RBFOX1: variants seen among roughly 807,000 people sequenced by gnomAD.
RBFOX1 encodes the protein RNA binding fox-1 homolog 1, also known as RNA binding protein fox-1 homolog 1.
Under a neutral mutation model 57.7 loss-of-function variants are expected in RBFOX1, and 8 were observed. That is an observed-to-expected ratio of 0.14 (90% CI 0.08 to 0.25). The LOEUF (loss-of-function observed/expected upper bound fraction) is 0.25. RBFOX1 is among the 10% of genes least tolerant of loss of function. The pLI is 1.00. For missense variants in RBFOX1, 611 were observed against 548.5 expected (o/e 1.11, Z -1.14); for synonymous variants, 326 against 222.4 (o/e 1.47, Z -4.15).
chr16:6,646,822 T>C (rs2098538330), intron 2 of RBFOX1, among the ~76,000 whole-genome samples: 1 of 151,740 alleles, frequency 6.6e-6, no homozygotes, highest in Admixed American at 6.6e-5. Context: ...TTAGTAAGAG[T>C]GAGGGGTGTT....
At chr16:5,967,405 A>T (rs1330431525) in intron 4 of RBFOX1, among the ~76,000 whole-genome samples, 1 of 152,070 alleles carries the variant, frequency 6.6e-6, no homozygotes, top group African/African-American at 2.4e-5. Context: ...GGCTCATTTT[A>T]TACATTTCTT....
chr16:6,432,842 G>T (rs1239700580), intron 2 of RBFOX1, among the ~76,000 whole-genome samples: 1 of 152,092 alleles, frequency 6.6e-6, no homozygotes, highest in Non-Finnish European at 1.5e-5. Flanking sequence ...GCTGGGCGTG[G>T]TGGTGCATGC....
intron 2 of RBFOX1, among the ~76,000 whole-genome samples, chr16:6,513,761 A>C (rs55708756): frequency 0.33 from 50,006 of 151,918 alleles, 8,897 homozygotes; most frequent in Non-Finnish European, 0.41. Flanking sequence ...ACAAAAAAAA[A>C]CAAAGTCTGG....
chr16:6,362,224 A>G (rs958211420), intron 2 of RBFOX1, among the ~76,000 whole-genome samples: 12 of 150,592 alleles, frequency 8.0e-5, no homozygotes, highest in African/African-American at 2.9e-4. Flanking sequence ...GATGTAATCG[A>G]TGCATATCAC....
chr16:6,785,940 G>A (rs1481161317), intron 3 of RBFOX1, among the ~76,000 whole-genome samples: 5 of 152,178 alleles, frequency 3.3e-5, no homozygotes, highest in African/African-American at 9.7e-5. Flanking sequence ...TTGTGTACAT[G>A]CATGTGACTT....
chr16:6,470,474 A>T (rs1213032160), intron 2 of RBFOX1, among the ~76,000 whole-genome samples: 2 of 152,220 alleles, frequency 1.3e-5, no homozygotes, highest in Non-Finnish European at 2.9e-5. Context: ...GTTGGCTTGG[A>T]CATGAATAGT....
intron 2 of RBFOX1, among the ~76,000 whole-genome samples, chr16:5,497,331 C>T (rs981048625): frequency 1.3e-5 from 2 of 149,736 alleles, no homozygotes; most frequent in East Asian, 4.0e-4. Context: ...CTCGGTGAAT[C>T]GCTCTACTCT....
chr16:7,342,449 A>C (rs9937739), intron 4 of RBFOX1, among the ~76,000 whole-genome samples: 61,874 of 152,082 alleles, frequency 0.41, 15,483 homozygotes, highest in African/African-American at 0.71. Flanking sequence ...AGAAGGGAGC[A>C]ATCCGATTTG....
intron 4 of RBFOX1, among the ~76,000 whole-genome samples, chr16:7,123,196 TATTA>T (rs1486401026): frequency 6.6e-6 from 1 of 152,174 alleles, no homozygotes; most frequent in African/African-American, 2.4e-5. Context: ...ATTTATGGTA[TATTA>T]ATTCCAAATA....
intron 1 of RBFOX1, among the ~76,000 whole-genome samples, chr16:6,187,357 C>T (rs1567638758): frequency 6.6e-6 from 1 of 152,118 alleles, no homozygotes; most frequent in African/African-American, 2.4e-5. Flanking sequence ...GTGATAACAG[C>T]ATGCACAACA....
chr16:6,540,831 C>T (rs1354507236), intron 2 of RBFOX1, among the ~76,000 whole-genome samples: 14 of 152,034 alleles, frequency 9.2e-5, no homozygotes, highest in Admixed American at 9.2e-4. Flanking sequence ...GCTAGTGAAA[C>T]TACCAGTGGA....
At chr16:7,331,530 C>T (rs973983757) in intron 4 of RBFOX1, among the ~76,000 whole-genome samples, 1 of 152,122 alleles carries the variant, frequency 6.6e-6, no homozygotes, top group African/African-American at 2.4e-5. Context: ...AGGTCAAAGC[C>T]TTCAATCTGA....
chr16:7,230,551 T>TGAAGG (rs2093438995), intron 4 of RBFOX1, among the ~76,000 whole-genome samples: 1 of 152,076 alleles, frequency 6.6e-6, no homozygotes, highest in African/African-American at 2.4e-5. Context: ...CCCCAGTCAA[T>TGAAGG]GAAGGAAAGG....
chr16:6,220,271 C>T (rs1304776111), intron 1 of RBFOX1, among the ~76,000 whole-genome samples: 1 of 151,980 alleles, frequency 6.6e-6, no homozygotes, highest in Non-Finnish European at 1.5e-5. Context: ...ACATAACATA[C>T]ATTTACTTTC....
intron 4 of RBFOX1, among the ~76,000 whole-genome samples, chr16:7,185,820 G>C (rs1299893678): frequency 6.6e-6 from 1 of 152,102 alleles, no homozygotes; most frequent in Non-Finnish European, 1.5e-5. Flanking sequence ...CAGACTCTCA[G>C]GTACTTGATG....
Position 7,426,789 on chromosome 16 carries a change from A to C in RBFOX1, c.28-91358A>C, listed in dbSNP as rs79593569. 1.9e-3 allele frequency among the ~76,000 whole-genome samples: 282 copies of C among 152,310 alleles called. 1 individual carries two copies. The highest frequency in any genetic ancestry group is 6.5e-3 in the African/African-American group (272 of 41,578). On this transcript the variant is annotated intron_variant, in intron 4 of 15. Transcript: ENST00000550418. Reference sequence around the variant, plus strand: ...GGTCTGCAGACAGGAGACTACACCTACAGGGGTGTAAGCAGAGAGGCAAGG... The same window carrying C: ...GGTCTGCAGACAGGAGACTACACCTCCAGGGGTGTAAGCAGAGAGGCAAGG...
At chr16:5,499,567 C>CT (rs999289802) in intron 2 of RBFOX1, among the ~76,000 whole-genome samples, 28 of 151,148 alleles carry the variant, frequency 1.9e-4, no homozygotes, top group African/African-American at 5.8e-4. Flanking sequence ...TTTTCTTTTC[C>CT]TTTTTTTTTA....
At chr16:6,586,036 C>G (rs956901188) in intron 2 of RBFOX1, among the ~76,000 whole-genome samples, 1 of 152,124 alleles carries the variant, frequency 6.6e-6, no homozygotes, top group African/African-American at 2.4e-5. Flanking sequence ...ATGTATAGAA[C>G]AGGTACTAGC....
At chr16:7,274,775 T>G (rs1398035358) in intron 4 of RBFOX1, among the ~76,000 whole-genome samples, 1 of 152,042 alleles carries the variant, frequency 6.6e-6, no homozygotes, top group Non-Finnish European at 1.5e-5. Flanking sequence ...ATCTCTGCCT[T>G]CCAGGTTCCA....
Sources: gnomAD v4.1 joint callset for allele counts (sites outside exome capture counted in the v4.1 genomes callset) on GRCh38, gnomAD v4.1.1 for gene constraint, MANE v1.5 for transcripts, NCBI Gene and HGNC (gene_info 2026-07-23, HGNC 2026-07-21) for gene names.